Variants in SORCS2 observed in about 807,000 individuals in gnomAD.
SORCS2 encodes sortilin related VPS10 domain containing receptor 2, also known as VPS10 domain-containing receptor SorCS2.
In SORCS2, 100 loss-of-function variants were observed where a neutral mutation model predicts 141.6. The ratio of observed to expected loss-of-function variants is 0.71; its 90% confidence interval spans 0.60 to 0.83. SORCS2 has a LOEUF of 0.83. Ranked by LOEUF, SORCS2 falls within the 40% of genes least tolerant of loss-of-function variation. The probability of loss-of-function intolerance (pLI) is 0.00; values close to 1 mark genes in which losing one functional copy is unlikely to be tolerated. For synonymous variants in SORCS2, 789 were observed against 676.9 expected (o/e 1.17, Z -2.57); for missense variants, 1,646 against 1,560.2 (o/e 1.05, Z -0.93).
chr4:7,614,147 C>T (rs775323832), intron 3 of SORCS2, among the ~76,000 whole-genome samples: 1 of 151,096 alleles, frequency 6.6e-6, no homozygotes, highest in Non-Finnish European at 1.5e-5. Flanking sequence ...CCATCCATCC[C>T]TCTACCCATC....
At chr4:7,468,761 G>T (rs1325921609) in intron 2 of SORCS2, among the ~76,000 whole-genome samples, 1 of 152,180 alleles carries the variant, frequency 6.6e-6, no homozygotes, top group Non-Finnish European at 1.5e-5. Context: ...AGCATTGTTT[G>T]GGGGAGATTA....
chr4:7,343,726 G>T (rs546476414), intron 1 of SORCS2, among the ~76,000 whole-genome samples: 1 of 152,184 alleles, frequency 6.6e-6, no homozygotes, highest in Non-Finnish European at 1.5e-5. Context: ...AGATGGGGCC[G>T]CCACTAGCAC....
chr4:7,236,917 G>A (rs1198877171), intron 1 of SORCS2, among the ~76,000 whole-genome samples: 1 of 152,212 alleles, frequency 6.6e-6, no homozygotes, highest in African/African-American at 2.4e-5. Context: ...TCTCACAGGA[G>A]AAACTTCTGT....
intron 16 of SORCS2, 126 bp downstream of exon 16, chr4:7,714,499 C>A: frequency 9.7e-7 from 1 of 1,027,384 alleles, no homozygotes. Context: ...GTCACAGTCG[C>A]ACACTGCCAC....
At chr4:7,262,356 A>ACCCACCCACC (rs2108825561) in intron 1 of SORCS2, among the ~76,000 whole-genome samples, 1 of 150,182 alleles carries the variant, frequency 6.7e-6, no homozygotes, top group African/African-American at 2.4e-5. Context: ...CCATCCATCC[A>ACCCACCCACC]TCCACCCACC....
chr4:7,729,927 G>C (rs552893189), intron 23 of SORCS2, among the ~76,000 whole-genome samples: 53 of 152,232 alleles, frequency 3.5e-4, no homozygotes, highest in African/African-American at 1.2e-3. Context: ...GAGGTAGTCG[G>C]GGGGAGGGCA....
At chr4:7,243,369 C>T (rs770822037) in intron 1 of SORCS2, among the ~76,000 whole-genome samples, 7 of 152,234 alleles carry the variant, frequency 4.6e-5, no homozygotes, top group East Asian at 3.9e-4. Flanking sequence ...TTGTCCCCTG[C>T]GTGATGGTCT....
Position 7,703,348 on chromosome 4 carries a change from C to T in SORCS2, c.1737C>T (p.Thr579=). 1 of 1,613,380 alleles carries T rather than the reference C, an allele frequency of 6.2e-7. No homozygotes were observed. The highest frequency in any genetic ancestry group is 8.5e-7 in the Non-Finnish European group (1 of 1,179,682). ...GCGTGATCGTGGCCATCAAAGACAC[C>T]TCCATCCCTTTGAAGATCCTCAAGT... ...HGGVIVAIKD[T]SIPLKILKFS... The change falls in exon 13 of 27, where the codon ACC becomes ACT. Residue 579 remains threonine (T), a synonymous_variant. Coordinates refer to ENST00000507866, the MANE Select transcript of SORCS2 (RefSeq NM_020777.3).
chr4:7,338,521 G>C (rs576380600), intron 1 of SORCS2, among the ~76,000 whole-genome samples: 1 of 152,210 alleles, frequency 6.6e-6, no homozygotes, highest in Non-Finnish European at 1.5e-5. Context: ...CTGTCTCTCT[G>C]TATTGGTGGG....
rs558737398 is a variant in SORCS2 at position 7,290,543 on chromosome 4, C to T, written c.480+97417C>T. ...TCTCCAGGTCTTTATACCTATTGCC[C>T]AGGTGGGGAAATTGAGGCCTAGAAA... On this transcript the variant is annotated intron_variant, in intron 1 of 26. Transcript: ENST00000507866. 2.0e-5 allele frequency among the ~76,000 whole-genome samples: 3 copies of T among 152,242 alleles called. No homozygotes were observed. The East Asian group carries it at 5.8e-4, about 29-fold the overall frequency.
At chr4:7,554,608 G>T (rs1713968185) in intron 3 of SORCS2, among the ~76,000 whole-genome samples, 1 of 152,176 alleles carries the variant, frequency 6.6e-6, no homozygotes, top group African/African-American at 2.4e-5. Flanking sequence ...AAGAATATGT[G>T]TAGGTAGAAT....
intron 1 of SORCS2, among the ~76,000 whole-genome samples, chr4:7,388,510 C>A (rs544019061): frequency 6.6e-6 from 1 of 152,240 alleles, no homozygotes; most frequent in South Asian, 2.1e-4. Flanking sequence ...ACTAAAGGGT[C>A]TCTAGTTGAA....
chr4:7,505,815 G>A (rs753214777), intron 2 of SORCS2, among the ~76,000 whole-genome samples: 4 of 152,224 alleles, frequency 2.6e-5, no homozygotes, highest in East Asian at 1.9e-4. Context: ...CAGTTTTCCC[G>A]TAGGACGAAT....
intron 2 of SORCS2, among the ~76,000 whole-genome samples, chr4:7,406,996 GTTC>G (rs1560259392): frequency 6.6e-6 from 1 of 151,986 alleles, no homozygotes. Flanking sequence ...AGTTTCTGAT[GTTC>G]TTCTTGTAAT....
intron 3 of SORCS2, among the ~76,000 whole-genome samples, chr4:7,637,340 C>T (rs1381675961): frequency 1.3e-5 from 2 of 152,192 alleles, no homozygotes; most frequent in Non-Finnish European, 1.5e-5. Flanking sequence ...CCTGGGGACC[C>T]CCGGCTCAGC....
intron 17 of SORCS2, among the ~76,000 whole-genome samples, chr4:7,715,817 C>T (rs978680290): frequency 1.3e-5 from 2 of 152,234 alleles, no homozygotes; most frequent in South Asian, 4.1e-4. Context: ...TTAAATGGCA[C>T]TTCCTCCAGG....
chr4:7,246,426 T>C (rs9291131), intron 1 of SORCS2, among the ~76,000 whole-genome samples: 125,920 of 146,456 alleles, frequency 0.86, 52,963 homozygotes, highest in East Asian at 1. Flanking sequence ...CACATCTCAC[T>C]CGGGGCTTAA....
At chr4:7,342,563 G>C (rs972832138) in intron 1 of SORCS2, among the ~76,000 whole-genome samples, 1 of 152,108 alleles carries the variant, frequency 6.6e-6, no homozygotes, top group Non-Finnish European at 1.5e-5. Flanking sequence ...CACCCTTGGA[G>C]GTGCGGCGTG....
At chr4:7,724,270 G>A (rs1560113290) in intron 19 of SORCS2, among the ~76,000 whole-genome samples, 4 of 148,720 alleles carry the variant, frequency 2.7e-5, no homozygotes, top group Admixed American at 1.3e-4. Flanking sequence ...TGATGGTGAT[G>A]ATGGTGGTGG....
Sources: allele counts gnomAD v4.1 joint callset (sites outside exome capture counted in the v4.1 genomes callset), GRCh38; gene constraint gnomAD v4.1.1; transcripts MANE v1.5; gene names NCBI Gene and HGNC (gene_info 2026-07-23, HGNC 2026-07-21).